NBEAL1: variants seen among roughly 807,000 people sequenced by gnomAD.
The protein encoded by NBEAL1 is neurobeachin-like protein 1.
A neutral mutation model predicts 351.3 loss-of-function variants in NBEAL1; 273 were observed. That is an observed-to-expected ratio of 0.78 (90% confidence interval 0.70 to 0.86). NBEAL1 has a LOEUF of 0.86. Ranked by LOEUF, NBEAL1 falls within the 40% of genes least tolerant of loss-of-function variation. The pLI is 0.00. For synonymous variants in NBEAL1, 1,050 were observed against 1,086.4 expected (o/e 0.97, Z 0.66); for missense variants, 2,961 against 3,201.3 (o/e 0.92, Z 1.81).
chr2:203,166,507 A>T lies in NBEAL1; in HGVS notation c.5863+210A>T, dbSNP rs114814408. Among the ~76,000 whole-genome samples the T allele has an allele frequency of 0.036, 5,520 of 152,228 alleles. 140 individuals carry two copies. Among genetic ancestry groups the T allele is most frequent in the Non-Finnish European group, 0.055 (3,741 of 68,004 alleles). On this transcript the variant is annotated intron_variant, in intron 37 of 55. Transcript: ENST00000683969. ...AATGCATTTTTAAGGGTTTGGCTAGAGGGAATTGCTGTAAACTTAAGTTAC... is the reference window on the plus strand; with the variant it reads ...AATGCATTTTTAAGGGTTTGGCTAGTGGGAATTGCTGTAAACTTAAGTTAC...
At chr2:203,152,804 C>T (rs1244551188) in intron 35 of NBEAL1, among the ~76,000 whole-genome samples, 4 of 151,116 alleles carry the variant, frequency 2.6e-5, no homozygotes, top group South Asian at 2.1e-4. Flanking sequence ...TGGGAGGCCG[C>T]GGCAGCAGAT....
intron 35 of NBEAL1, 50 bp downstream of exon 35, chr2:203,151,639 C>T (rs746293242): frequency 1.0e-5 from 15 of 1,502,156 alleles, no homozygotes; most frequent in South Asian, 2.7e-5. Context: ...TGAGAGTGTT[C>T]GTGGGGTTGA....
At chr2:203,031,192 G>A (rs574257474) in intron 2 of NBEAL1, among the ~76,000 whole-genome samples, 2 of 152,028 alleles carry the variant, frequency 1.3e-5, no homozygotes, top group African/African-American at 2.4e-5. Flanking sequence ...TCTTGTCTTC[G>A]TTTGCATTGT....
In NBEAL1 at chr2:203,223,060, GA is replaced by G. The variant is rs750079945; in HGVS notation, c.*5707del. ...TGGCTGTATTATCAGATACTTATTT[GA>G]TTATAGTAATTCATCAGACACATCT... On this transcript the variant is annotated 3_prime_UTR_variant, in exon 56 of 56. Coordinates refer to ENST00000683969, the MANE Select transcript of NBEAL1 (RefSeq NM_001378026.1). Among the ~76,000 whole-genome samples the G allele has an allele frequency of 6.6e-6, 1 of 152,072 alleles. No homozygotes were observed. Among genetic ancestry groups the G allele is most frequent in the Admixed American group, 6.5e-5 (1 of 15,274 alleles).
intron 41 of NBEAL1, among the ~76,000 whole-genome samples, chr2:203,174,400 A>ATTG (rs2064428375): frequency 6.6e-6 from 1 of 152,028 alleles, no homozygotes; most frequent in African/African-American, 2.4e-5. Context: ...TGAAAAATAT[A>ATTG]TTGTTATGAA....
chr2:203,118,878 C>G (rs1048484603), intron 18 of NBEAL1, among the ~76,000 whole-genome samples: 3 of 152,028 alleles, frequency 2.0e-5, no homozygotes, highest in African/African-American at 2.4e-5. Flanking sequence ...CATGAGCCAC[C>G]GCACTGGGCC....
chr2:203,107,338 G>T (rs2062460525), intron 12 of NBEAL1, 82 bp from the exon 13 acceptor site: 1 of 642,246 alleles, frequency 1.6e-6, no homozygotes, highest in South Asian at 2.8e-5. Context: ...TAGCATAAAT[G>T]AGTATTATTT....
In NBEAL1 at chr2:203,024,725, G is replaced by T. The variant is rs576119118; in HGVS notation, c.51+8290G>T. Among the ~76,000 whole-genome samples, 8 of 152,128 alleles carry T rather than the reference G, an allele frequency of 5.3e-5. No homozygotes were observed. The East Asian group carries it at 1.5e-3, about 29-fold the overall frequency. On this transcript the variant is annotated intron_variant, in intron 2 of 55. Coordinates refer to ENST00000683969, the MANE Select transcript of NBEAL1 (RefSeq NM_001378026.1). ...AAAAATACAAAAATTAGCTGTGTAT[G>T]GTGGTGCAGGCCTGTGGTCCCAGCT...
At chr2:203,073,471 T>A (rs1450576669) in intron 7 of NBEAL1, among the ~76,000 whole-genome samples, 1 of 152,172 alleles carries the variant, frequency 6.6e-6, no homozygotes, top group Non-Finnish European at 1.5e-5. Flanking sequence ...TTTTCTTGAT[T>A]GGTCTAGCTA....
At chr2:203,209,494 C>T (rs7576822) in intron 53 of NBEAL1, among the ~76,000 whole-genome samples, 172 bp downstream of exon 53, 1,605 of 152,292 alleles carry the variant, frequency 0.011, 35 homozygotes, top group African/African-American at 0.036. Context: ...CTACCACAAT[C>T]GTAGCCTCAC....
intron 49 of NBEAL1, 57 bp from the exon 50 acceptor site, chr2:203,201,486 T>C: frequency 7.5e-7 from 1 of 1,332,890 alleles, no homozygotes; most frequent in East Asian, 2.5e-5. Flanking sequence ...AAAGAATAGT[T>C]CACATCAGTA....
At chr2:203,040,248 C>G (rs1443840761) in intron 2 of NBEAL1, 3 of 916,282 alleles carry the variant, frequency 3.3e-6, no homozygotes, top group Admixed American at 3.7e-5. Flanking sequence ...GAAAAAGGCT[C>G]AGGTTTAAGC....
chr2:203,200,518 A>C (rs2065367030), intron 49 of NBEAL1, among the ~76,000 whole-genome samples: 1 of 151,898 alleles, frequency 6.6e-6, no homozygotes, highest in Non-Finnish European at 1.5e-5. Flanking sequence ...AACTCAAAAA[A>C]ATAAAATAAA....
chr2:203,135,543 A>G (rs1213464196), intron 27 of NBEAL1, 134 bp from the exon 28 acceptor site: 8 of 611,244 alleles, frequency 1.3e-5, no homozygotes. Context: ...AATTAAGAAT[A>G]TAATCTTTTG....
chr2:203,023,429 T>TA (rs2060800300), intron 2 of NBEAL1, among the ~76,000 whole-genome samples: 1 of 152,250 alleles, frequency 6.6e-6, no homozygotes, highest in Non-Finnish European at 1.5e-5. Flanking sequence ...AATGTATAGT[T>TA]TATATCAGTG....
chr2:203,195,033 T>TAAAA (rs1275296531), intron 47 of NBEAL1, among the ~76,000 whole-genome samples: 1 of 151,736 alleles, frequency 6.6e-6, no homozygotes, highest in Non-Finnish European at 1.5e-5. Flanking sequence ...CCGTCTCTAC[T>TAAAA]AAAAAATATA....
At chr2:203,023,931 T>C (rs2060810627) in intron 2 of NBEAL1, among the ~76,000 whole-genome samples, 1 of 152,098 alleles carries the variant, frequency 6.6e-6, no homozygotes, top group Non-Finnish European at 1.5e-5. Context: ...AACAGTGAGA[T>C]CACGTCTCTG....
intron 2 of NBEAL1, among the ~76,000 whole-genome samples, chr2:203,031,394 C>T (rs2060947424): frequency 1.3e-5 from 2 of 152,180 alleles, no homozygotes; most frequent in East Asian, 3.8e-4. Context: ...CAATGCCTTT[C>T]TTTGTATACA....
At chr2:203,023,875 A>G (rs1046200160) in intron 2 of NBEAL1, among the ~76,000 whole-genome samples, 1 of 152,204 alleles carries the variant, frequency 6.6e-6, no homozygotes, top group Admixed American at 6.5e-5. Flanking sequence ...CCTGAAGAAC[A>G]TTGTCATTTA....
Sources: allele counts gnomAD v4.1 joint callset (sites outside exome capture counted in the v4.1 genomes callset), GRCh38; gene constraint gnomAD v4.1.1; transcripts MANE v1.5; gene names NCBI Gene and HGNC (gene_info 2026-07-23, HGNC 2026-07-21).